The following IGSF21 variants were observed in gnomAD, a reference collection of about 807,000 sequenced individuals.
The protein encoded by IGSF21 is immunoglobulin superfamily member 21.
A neutral mutation model predicts 46.8 loss-of-function variants in IGSF21; 28 were observed. That is an observed-to-expected ratio of 0.60 (90% CI 0.44 to 0.82). The LOEUF is 0.82. IGSF21 is among the 40% of genes least tolerant of loss of function. The pLI is 0.00. For missense variants in IGSF21, 624 were observed against 665.5 expected (o/e 0.94, Z 0.69); for synonymous variants, 284 against 273.6 (o/e 1.04, Z -0.38).
intron 1 of IGSF21, among the ~76,000 whole-genome samples, chr1:18,127,115 TG>T (rs1355615806): frequency 1.3e-5 from 2 of 152,218 alleles, no homozygotes. Context: ...ACTGGCTAGA[TG>T]GGTCATCTTG....
At chr1:18,210,615 C>T (rs2084381651) in intron 1 of IGSF21, among the ~76,000 whole-genome samples, 2 of 152,098 alleles carry the variant, frequency 1.3e-5, no homozygotes, top group African/African-American at 4.8e-5. Context: ...TGTTTTCTTA[C>T]CTTTATTGCA....
chr1:18,302,405 G>A (rs1557633386), intron 3 of IGSF21, among the ~76,000 whole-genome samples: 1 of 152,128 alleles, frequency 6.6e-6, no homozygotes, highest in Admixed American at 6.5e-5. Context: ...TCATGCATAG[G>A]AGCAAGCTCC....
intron 2 of IGSF21, among the ~76,000 whole-genome samples, chr1:18,271,910 G>T (rs1332846682): frequency 1.3e-5 from 2 of 152,152 alleles, no homozygotes; most frequent in African/African-American, 4.8e-5. Context: ...GACCAACAGG[G>T]TGTCATTGAG....
intron 1 of IGSF21, among the ~76,000 whole-genome samples, chr1:18,135,577 C>T (rs1187160486): frequency 2.0e-5 from 3 of 152,176 alleles, no homozygotes; most frequent in Admixed American, 1.3e-4. Flanking sequence ...CATGTCCCTA[C>T]AAAGGATGTG....
chr1:18,357,516 T>C (rs1302819954), intron 4 of IGSF21, among the ~76,000 whole-genome samples: 1 of 101,752 alleles, frequency 9.8e-6, no homozygotes, highest in Non-Finnish European at 1.9e-5. Flanking sequence ...GAGGAGCAGG[T>C]GGAGAGGGGG....
chr1:18,205,476 C>T (rs2084308960), intron 1 of IGSF21, among the ~76,000 whole-genome samples: 1 of 152,072 alleles, frequency 6.6e-6, no homozygotes, highest in African/African-American at 2.4e-5. Context: ...TTGACTCCCT[C>T]TTATCTTGCT....
chr1:18,260,431 C>T (rs979060022), intron 2 of IGSF21, among the ~76,000 whole-genome samples: 9 of 152,222 alleles, frequency 5.9e-5, no homozygotes, highest in South Asian at 2.1e-4. Context: ...TGTTAGACAG[C>T]GACTTCTATT....
chr1:18,298,244 G>C lies in IGSF21; in HGVS notation c.305+6257G>C, dbSNP rs550242099. Among the ~76,000 whole-genome samples the C allele has an allele frequency of 1.3e-3, 199 of 152,346 alleles. 1 individual carries two copies. The highest frequency in any genetic ancestry group is 4.6e-3 in the African/African-American group (191 of 41,576). ...TATGCGGTTTGTCAAGCTCACCTTA[G>C]TTCCTGGGTAGAGAGGGTGGGTTGG... is the stretch of plus-strand genomic sequence containing the variant. On this transcript the variant is annotated intron_variant, in intron 3 of 9. Transcript: ENST00000251296.
At chr1:18,137,839 T>C (rs553513591) in intron 1 of IGSF21, among the ~76,000 whole-genome samples, 67 of 152,300 alleles carry the variant, frequency 4.4e-4, no homozygotes, top group Middle Eastern at 3.4e-3. Flanking sequence ...TAAATATTAA[T>C]GTGTGTAATC....
At chr1:18,161,427 G>C (rs2124443912) in intron 1 of IGSF21, among the ~76,000 whole-genome samples, 1 of 152,192 alleles carries the variant, frequency 6.6e-6, no homozygotes, top group East Asian at 1.9e-4. Flanking sequence ...CCTGTATTCT[G>C]AGCCTGCAAA....
chr1:18,357,963 C>T (rs990171828), intron 4 of IGSF21, among the ~76,000 whole-genome samples: 2 of 152,058 alleles, frequency 1.3e-5, no homozygotes, highest in South Asian at 2.1e-4. Context: ...GCTAATATAA[C>T]GAGGGATGGA....
chr1:18,304,681 C>T (rs12134352), intron 3 of IGSF21, among the ~76,000 whole-genome samples: 74,874 of 150,620 alleles, frequency 0.5, 21,829 homozygotes, highest in East Asian at 0.8. Flanking sequence ...GAAACCAGAG[C>T]TGTTGGAAAT....
chr1:18,212,221 TA>T (rs1005530782), intron 1 of IGSF21, among the ~76,000 whole-genome samples: 3 of 152,220 alleles, frequency 2.0e-5, no homozygotes, highest in African/African-American at 7.2e-5. Context: ...CCTTAAGAAG[TA>T]AAGAGAATTA....
At chr1:18,315,378 A>G (rs937926773) in intron 3 of IGSF21, among the ~76,000 whole-genome samples, 8 of 152,098 alleles carry the variant, frequency 5.3e-5, no homozygotes, top group East Asian at 1.9e-4. Flanking sequence ...AATTAAACAC[A>G]TATTTAGGTG....
intron 1 of IGSF21, among the ~76,000 whole-genome samples, chr1:18,123,784 G>A (rs761076707): frequency 3.9e-5 from 6 of 152,186 alleles, no homozygotes; most frequent in Non-Finnish European, 8.8e-5. Flanking sequence ...GGAGGCAGGG[G>A]TGAAGGATGT....
At chr1:18,112,436 C>T (rs10157701) in intron 1 of IGSF21, 15,252 of 152,208 alleles carry the variant, frequency 0.1, 891 homozygotes, top group Non-Finnish European at 0.13. Context: ...AGCTAGGTGT[C>T]ACGCCATGTG....
At chr1:18,370,961 C>G (rs2086218272) in intron 6 of IGSF21, among the ~76,000 whole-genome samples, 1 of 152,198 alleles carries the variant, frequency 6.6e-6, no homozygotes. Context: ...TCAGAATTCT[C>G]ATGCTTTGCT....
intron 1 of IGSF21, among the ~76,000 whole-genome samples, chr1:18,199,996 C>CGTT (rs1359973592): frequency 5.3e-5 from 8 of 152,090 alleles, no homozygotes; most frequent in African/African-American, 1.9e-4. Flanking sequence ...TCTGGGGATC[C>CGTT]AGACAAAGAC....
At chr1:18,364,304 A>G (rs1338974202) in intron 5 of IGSF21, among the ~76,000 whole-genome samples, 2 of 152,132 alleles carry the variant, frequency 1.3e-5, no homozygotes, top group African/African-American at 4.8e-5. Context: ...TGGGGGAAAA[A>G]AAACCAACGC....
Sources: allele counts gnomAD v4.1 joint callset (sites outside exome capture counted in the v4.1 genomes callset), GRCh38; gene constraint gnomAD v4.1.1; transcripts MANE v1.5; gene names NCBI Gene and HGNC (gene_info 2026-07-23, HGNC 2026-07-21).